The following CLEC16A variants were observed in gnomAD, a reference collection of about 807,000 sequenced individuals.
CLEC16A encodes the protein C-type lectin domain containing 16A.
CLEC16A carries 51 observed loss-of-function variants against 109.5 expected under a neutral mutation model. The observed-to-expected ratio is 0.47, with a 90% CI of 0.37 to 0.59. The LOEUF (loss-of-function observed/expected upper bound fraction) is 0.59, where lower values mean the gene tolerates loss of function less well. Ranked by LOEUF, CLEC16A falls within the 20% of genes least tolerant of loss-of-function variation. The probability of loss-of-function intolerance (pLI) is 0.00; values close to 1 mark genes in which losing one functional copy is unlikely to be tolerated. For missense variants in CLEC16A, 1,339 were observed against 1,394.0 expected, an observed-to-expected ratio of 0.96 and a Z score of 0.63; for synonymous variants, 673 against 564.2, an observed-to-expected ratio of 1.19 and a Z score of -2.73.
intron 17 of CLEC16A, among the ~76,000 whole-genome samples, chr16:11,048,743 T>G (rs1300772689): frequency 6.6e-6 from 1 of 152,160 alleles, no homozygotes; most frequent in Non-Finnish European, 1.5e-5. Flanking sequence ...TCATCATTCC[T>G]CCAGCCCCTT....
At chr16:11,059,687 G>A (rs1017237565) in intron 18 of CLEC16A, among the ~76,000 whole-genome samples, 1 of 152,196 alleles carries the variant, frequency 6.6e-6, no homozygotes, top group African/African-American at 2.4e-5. Context: ...AGGCGCACTG[G>A]GATTCGCCTT....
chr16:11,068,652 C>T (rs2048893150), intron 19 of CLEC16A, among the ~76,000 whole-genome samples: 1 of 152,222 alleles, frequency 6.6e-6, no homozygotes, highest in Non-Finnish European at 1.5e-5. Context: ...ACCACAGGCT[C>T]ATCCCTGACT....
chr16:11,045,164 T>G (rs1271417079), intron 16 of CLEC16A, among the ~76,000 whole-genome samples: 1 of 151,252 alleles, frequency 6.6e-6, no homozygotes, highest in African/African-American at 2.4e-5. Flanking sequence ...GCTAACATGG[T>G]GAAACCCTGT....
chr16:11,070,191 C>T (rs2048991110), intron 19 of CLEC16A, among the ~76,000 whole-genome samples: 1 of 152,094 alleles, frequency 6.6e-6, no homozygotes, highest in South Asian at 2.1e-4. Context: ...CTGCCTCAGC[C>T]TCCCGAGTAG....
In CLEC16A at chr16:10,962,485, C is replaced by T; in HGVS notation, c.240C>T (p.Phe80=). The change falls in exon 3 of 24, where the codon TTC becomes TTT. Residue 80 remains phenylalanine (F), a synonymous_variant. Coordinates refer to ENST00000409790, the MANE Select transcript of CLEC16A (RefSeq NM_015226.3). ...DFFLEKNMFV[F]FLNILRQKSG... is the part of the protein sequence containing the mutation. The stretch of plus-strand genomic sequence containing the variant: ...TCCTGGAGAAGAATATGTTTGTTTT[C>T]TTCTTGAACATCTTGCGGCAAAAGT... 1 of 1,613,966 alleles carries T rather than the reference C, an allele frequency of 6.2e-7. No individual in the cohort carries two copies. The highest frequency in any genetic ancestry group is 8.5e-7 in the Non-Finnish European group (1 of 1,179,884).
intron 10 of CLEC16A, among the ~76,000 whole-genome samples, chr16:10,997,082 C>T (rs952534779): frequency 6.6e-6 from 1 of 152,184 alleles, no homozygotes; most frequent in South Asian, 2.1e-4. Flanking sequence ...CTGCCTCAGC[C>T]TCCCAAGTAG....
At chr16:11,006,336 TG>T (rs1314846745) in intron 11 of CLEC16A, among the ~76,000 whole-genome samples, 7 of 152,232 alleles carry the variant, frequency 4.6e-5, no homozygotes, top group African/African-American at 1.7e-4. Context: ...GCAGGGATGC[TG>T]GGCCAGCAGA....
chr16:11,016,902 A>G (rs2045786845), intron 11 of CLEC16A, among the ~76,000 whole-genome samples: 3 of 150,274 alleles, frequency 2.0e-5, no homozygotes, highest in Middle Eastern at 3.4e-3. Context: ...CCTGTGGGAG[A>G]CTCTGATCTT....
Position 11,042,292 on chromosome 16 carries a change from C to T in CLEC16A, c.1699C>T (p.Leu567=). The T allele has an allele frequency of 6.3e-7, 1 of 1,591,172 alleles. No individual in the cohort carries two copies. The highest frequency in any genetic ancestry group is 8.6e-7 in the Non-Finnish European group (1 of 1,169,210). Residue 567 remains leucine, a synonymous_variant, in exon 15 of 24, where the codon CTG becomes TTG. Coordinates refer to ENST00000409790, the MANE Select transcript of CLEC16A (RefSeq NM_015226.3). ...IRLATLELSC[L]LLKQQVLMSA... is the part of the protein sequence containing the mutation. ...GCTGGCGACGCTGGAGCTGAGCTGCCTGCTTCTGAAGCAGCAAGTCCTGAT... is the reference window on the plus strand; with the variant it reads ...GCTGGCGACGCTGGAGCTGAGCTGCTTGCTTCTGAAGCAGCAAGTCCTGAT...
intron 10 of CLEC16A, among the ~76,000 whole-genome samples, chr16:10,989,645 C>CA (rs2043880237): frequency 6.6e-6 from 1 of 152,176 alleles, no homozygotes; most frequent in Admixed American, 6.5e-5. Context: ...CACATAAGGA[C>CA]ATTGACAGTC....
intron 19 of CLEC16A, among the ~76,000 whole-genome samples, chr16:11,092,590 G>A (rs2050376608): frequency 6.6e-6 from 1 of 152,204 alleles, no homozygotes; most frequent in Non-Finnish European, 1.5e-5. Context: ...CTGGCTTGCA[G>A]GCATTTCCAG....
At chr16:11,110,344 C>A (rs1447957141) in intron 19 of CLEC16A, among the ~76,000 whole-genome samples, 1 of 152,100 alleles carries the variant, frequency 6.6e-6, no homozygotes, top group African/African-American at 2.4e-5. Flanking sequence ...ATGACAGGCA[C>A]TGGGATGGGG....
At chr16:11,020,508 C>T (rs548500656) in intron 12 of CLEC16A, among the ~76,000 whole-genome samples, 183 bp downstream of exon 12, 8 of 152,212 alleles carry the variant, frequency 5.3e-5, no homozygotes, top group Non-Finnish European at 8.8e-5. Context: ...CATCACTCAA[C>T]ACTGTAATGC....
intron 19 of CLEC16A, among the ~76,000 whole-genome samples, chr16:11,092,640 A>T (rs1284662639): frequency 1.3e-5 from 2 of 152,180 alleles, no homozygotes; most frequent in Admixed American, 1.3e-4. Flanking sequence ...ATTTGAACAT[A>T]ACTGATTTCA....
At chr16:10,994,984 G>T (rs1434863680) in intron 10 of CLEC16A, among the ~76,000 whole-genome samples, 1 of 152,180 alleles carries the variant, frequency 6.6e-6, no homozygotes, top group African/African-American at 2.4e-5. Context: ...TTTATTCCTG[G>T]GTTCAAATCC....
In CLEC16A at chr16:11,101,008, C is replaced by G. The variant is rs181112960; in HGVS notation, c.2117-19607C>G. ...ATTTTCAGCCCTGCAGCCCTAGTAC[C>G]TGGGACTGTGCTTGGCCCATAGTAG... is the stretch of plus-strand genomic sequence containing the variant. On this transcript the variant is annotated intron_variant, in intron 19 of 23. Transcript: ENST00000409790. 6.6e-5 allele frequency among the ~76,000 whole-genome samples: 10 copies of G among 152,268 alleles called. No homozygotes were observed. In the East Asian group the frequency reaches 1.9e-3, roughly 29 times the overall value.
intron 11 of CLEC16A, among the ~76,000 whole-genome samples, chr16:11,010,967 G>A (rs755356283): frequency 3.9e-5 from 6 of 152,248 alleles, no homozygotes; most frequent in South Asian, 2.1e-4. Context: ...GCTGGAACAC[G>A]GCATGGGTGA....
chr16:11,048,192 A>G (rs2047735964), intron 17 of CLEC16A: 1 of 152,366 alleles, frequency 6.6e-6, no homozygotes, highest in South Asian at 2.1e-4. Context: ...CCAGCCCCGC[A>G]TCCCCCGTGC....
chr16:11,155,291 T>C (rs924252536), intron 22 of CLEC16A, among the ~76,000 whole-genome samples: 1 of 152,214 alleles, frequency 6.6e-6, no homozygotes, highest in African/African-American at 2.4e-5. Flanking sequence ...TCACTCTGCT[T>C]TAGAGTGACA....
Sources: allele counts gnomAD v4.1 joint callset (sites outside exome capture counted in the v4.1 genomes callset), GRCh38; gene constraint gnomAD v4.1.1; transcripts MANE v1.5; gene names NCBI Gene and HGNC (gene_info 2026-07-23, HGNC 2026-07-21).